Variants in KLHL7 observed in about 807,000 individuals in gnomAD.
KLHL7 encodes the protein kelch like family member 7.
A neutral mutation model predicts 67.4 loss-of-function variants in KLHL7; 44 were observed. That is an observed-to-expected ratio of 0.65 (90% CI 0.51 to 0.84). The LOEUF is 0.84. Among genes scored for constraint, KLHL7 ranks in the 40% least tolerant of loss-of-function variants. The probability of loss-of-function intolerance (pLI) is 0.00; values close to 1 mark genes in which losing one functional copy is unlikely to be tolerated. For synonymous variants in KLHL7, 252 were observed against 243.3 expected, an observed-to-expected ratio of 1.04 and a Z score of -0.33; for missense variants, 362 against 718.1, an observed-to-expected ratio of 0.50 and a Z score of 5.67.
intron 7 of KLHL7, among the ~76,000 whole-genome samples, chr7:23,164,642 T>C (rs2128469339): frequency 6.6e-6 from 1 of 152,350 alleles, no homozygotes; most frequent in South Asian, 2.1e-4. Context: ...TCTATTTTCC[T>C]GGTCACCTAA....
intron 1 of KLHL7, among the ~76,000 whole-genome samples, chr7:23,117,432 A>G (rs375094324): frequency 1.1e-4 from 17 of 152,120 alleles, no homozygotes; most frequent in Non-Finnish European, 2.2e-4. Context: ...TGTTTGGTCC[A>G]TAACACCTTC....
Position 23,174,166 on chromosome 7 carries a change from A to G in KLHL7, c.1629A>G (p.Gly543=). The change falls in exon 11 of 11, where the codon GGA becomes GGG. Residue 543 remains glycine, a synonymous_variant. Transcript: ENST00000339077. Reference sequence around the variant, plus strand: ...GTTTTCAGGGTGTTGGTCGATTAGGACACATTCTCGAATATAATACCGAAA... The same window carrying G: ...GTTTTCAGGGTGTTGGTCGATTAGGGCACATTCTCGAATATAATACCGAAA... ...LAGFQGVGRL[G]HILEYNTETD... 1 of 1,614,206 alleles carries G rather than the reference A, an allele frequency of 6.2e-7. No individual in the cohort carries two copies. Among genetic ancestry groups the G allele is most frequent in the Non-Finnish European group, 8.5e-7 (1 of 1,180,020 alleles).
rs1785318112 is a variant in KLHL7 at position 23,177,632 on chromosome 7, CA to C, written c.*3335del. 6.6e-6 allele frequency: 1 copy of C among 152,092 alleles called. No homozygotes were observed. The highest frequency in any genetic ancestry group is 2.4e-5 in the African/African-American group (1 of 41,406). The allele number at this position is 152,092 out of a possible 1,614,324, so 9.4% of individuals were successfully genotyped here. A position where few individuals can be genotyped will look rare whatever the true frequency, so the allele number is the denominator to read the frequency against. On this transcript the variant is annotated 3_prime_UTR_variant, in exon 11 of 11. Transcript: ENST00000339077. Reference sequence around the variant, plus strand: ...AGTGCTCTGCTTGCTTTTTAGTAGACATTTGATAAGTTAATGTTATATCCTT... The same window carrying C: ...AGTGCTCTGCTTGCTTTTTAGTAGACTTTGATAAGTTAATGTTATATCCTT...
chr7:23,124,012 A>G (rs945337820), intron 2 of KLHL7, 133 bp downstream of exon 2: 3 of 693,792 alleles, frequency 4.3e-6, no homozygotes, highest in Non-Finnish European at 7.5e-6. Flanking sequence ...AAGAGATTGA[A>G]AAAGTAGTCA....
chr7:23,137,480 CTGTCT>C (rs1562568833), intron 4 of KLHL7, among the ~76,000 whole-genome samples: 1 of 144,360 alleles, frequency 6.9e-6, no homozygotes, highest in Non-Finnish European at 1.5e-5. Context: ...GTGACCAAAA[CTGTCT>C]TTTTTTTTTT....
At chr7:23,129,733 G>A (rs1215999061) in intron 4 of KLHL7, 1 of 158,604 alleles carries the variant, frequency 6.3e-6, no homozygotes, top group Non-Finnish European at 1.4e-5. Flanking sequence ...AAAAAACAGG[G>A]ATGTTGGAAA....
At chr7:23,152,352 T>C in intron 7 of KLHL7, 143 bp downstream of exon 7, 1 of 772,320 alleles carries the variant, frequency 1.3e-6, no homozygotes, top group Non-Finnish European at 2.2e-6. Flanking sequence ...ATGAGATACA[T>C]AGATCATTTT....
chr7:23,175,131 A>G lies in KLHL7; in HGVS notation c.*833A>G. Reference sequence around the variant, plus strand: ...TCATTAGAAAAGCACTGGTAGTTGTACAATATCAGTGTTGACTTTGAACTT... The same window carrying G: ...TCATTAGAAAAGCACTGGTAGTTGTGCAATATCAGTGTTGACTTTGAACTT... On this transcript the variant is annotated 3_prime_UTR_variant, in exon 11 of 11. Transcript: ENST00000339077. 2.2e-6 allele frequency: 1 copy of G among 454,122 alleles called. No individual in the cohort carries two copies. The highest frequency in any genetic ancestry group is 1.6e-5 in the South Asian group (1 of 64,468). The allele number at this position is 454,122 out of a possible 1,614,324, so 28.1% of individuals were successfully genotyped here.
Position 23,143,944 on chromosome 7 carries a change from A to G in KLHL7, c.712A>G (p.Ile238Val). ...DILAKVRFPL[I>V]SKNFLSKTVQ... Reference sequence around the variant, plus strand: ...CCTTGCTAAAGTCAGGTTTCCTCTTATATCAAAGAATTTCTTAAGTAAAAC... The same window carrying G: ...CCTTGCTAAAGTCAGGTTTCCTCTTGTATCAAAGAATTTCTTAAGTAAAAC... Residue 238 changes from isoleucine (I) to valine (V), a missense_variant, in exon 6 of 11, where the codon ATA becomes GTA. Around this residue, in one of 5 missense-constraint regions of KLHL7, gnomAD observed 155 missense variants for 280.8 expected, o/e 0.55. Transcript: ENST00000339077. 2 of 1,614,054 alleles carry G rather than the reference A, an allele frequency of 1.2e-6. No homozygotes were observed. The highest frequency in any genetic ancestry group is 1.7e-6 in the Non-Finnish European group (2 of 1,179,924).
Position 23,172,955 on chromosome 7 carries a change from G to A in KLHL7, c.1387G>A (p.Glu463Lys). Reference protein sequence around the residue: ...VYDPATETWTELCPMIEARKN... With the variant: ...VYDPATETWTKLCPMIEARKN... ...AAACTTTAATTTTTTCAGATGGACT[G>A]AGCTGTGTCCAATGATTGAAGCCAG... is the stretch of plus-strand genomic sequence containing the variant. Residue 463 changes from glutamate to lysine, a missense_variant, in exon 10 of 11, where the codon GAG becomes AAG. Transcript: ENST00000339077. The A allele has an allele frequency of 6.2e-7, 1 of 1,612,948 alleles. No individual in the cohort carries two copies. The highest frequency in any genetic ancestry group is 8.5e-7 in the Non-Finnish European group (1 of 1,179,042).
chr7:23,146,313 T>G (rs541279708), intron 6 of KLHL7, among the ~76,000 whole-genome samples: 1 of 152,340 alleles, frequency 6.6e-6, no homozygotes, highest in Non-Finnish European at 1.5e-5. Context: ...TTGCTTTTCA[T>G]TGGTGTCTCC....
At chr7:23,163,147 C>T (rs7807516) in intron 7 of KLHL7, among the ~76,000 whole-genome samples, 140,661 of 152,052 alleles carry the variant, frequency 0.93, 65,232 homozygotes, top group East Asian at 0.99. Flanking sequence ...TAGAACTTAT[C>T]ACTCCCAAGA....
intron 5 of KLHL7, among the ~76,000 whole-genome samples, chr7:23,141,910 A>G (rs545438045): frequency 4.8e-4 from 72 of 151,272 alleles, no homozygotes; most frequent in Non-Finnish European, 9.0e-4. Flanking sequence ...GGCGTGAGCC[A>G]CCGCACCCGG....
At chr7:23,139,497 G>A (rs1025844817) in intron 4 of KLHL7, among the ~76,000 whole-genome samples, 8 of 152,208 alleles carry the variant, frequency 5.3e-5, no homozygotes, top group African/African-American at 1.7e-4. Flanking sequence ...ACTATTAGAA[G>A]TGTACAAATA....
chr7:23,128,912 C>A (rs930076431), intron 4 of KLHL7, among the ~76,000 whole-genome samples: 1 of 152,186 alleles, frequency 6.6e-6, no homozygotes, highest in East Asian at 1.9e-4. Flanking sequence ...TAGCATTTAT[C>A]AGTACTTCAT....
intron 7 of KLHL7, among the ~76,000 whole-genome samples, chr7:23,153,313 A>G (rs1378738219): frequency 6.6e-6 from 1 of 152,180 alleles, no homozygotes; most frequent in Non-Finnish European, 1.5e-5. Context: ...GTTAGCTGAT[A>G]TATTAGTGAC....
chr7:23,154,402 G>C (rs188686342), intron 7 of KLHL7, among the ~76,000 whole-genome samples: 1 of 151,980 alleles, frequency 6.6e-6, no homozygotes, highest in Admixed American at 6.6e-5. Context: ...ACCAGCTAAG[G>C]GGGTGGATTT....
rs1191906185 is a variant in KLHL7, at chr7:23,167,963, T to C, written c.1305T>C (p.Cys435=). 1.2e-6 allele frequency: 2 copies of C among 1,614,088 alleles called. No individual in the cohort carries two copies. The highest frequency in any genetic ancestry group is 1.7e-6 in the Non-Finnish European group (2 of 1,180,032). The change falls in exon 9 of 11, where the codon TGT becomes TGC. Residue 435 remains cysteine (C), a synonymous_variant. Coordinates refer to ENST00000339077, the MANE Select transcript of KLHL7 (RefSeq NM_001031710.3). ...MVEANGLIYV[C]GGSLGNNVSG... ...AAGCCAATGGCCTAATCTATGTTTG[T>C]GGTGGAAGTTTAGGAAACAATGTTT...
At chr7:23,168,837 G>A (rs898141803) in intron 9 of KLHL7, among the ~76,000 whole-genome samples, 1 of 152,198 alleles carries the variant, frequency 6.6e-6, no homozygotes, top group African/African-American at 2.4e-5. Context: ...GTTACTGGGT[G>A]AATACGTTCA....
Sources: allele counts gnomAD v4.1 joint callset (sites outside exome capture counted in the v4.1 genomes callset), GRCh38; gene constraint gnomAD v4.1.1; regional missense constraint gnomAD v4.1.1; transcripts MANE v1.5; gene names NCBI Gene and HGNC (gene_info 2026-07-23, HGNC 2026-07-21).